The following LYPLAL1 variants were observed in gnomAD, a reference collection of about 807,000 sequenced individuals.
LYPLAL1 encodes the protein lysophospholipase like 1.
In LYPLAL1, 23 loss-of-function variants were observed where a neutral mutation model predicts 19.7. That is an observed-to-expected ratio of 1.17 (90% CI 0.84 to 1.65). The LOEUF (loss-of-function observed/expected upper bound fraction) is 1.65. Among genes scored for constraint, LYPLAL1 ranks in the 40% most tolerant of loss-of-function variants. LYPLAL1 has a pLI of 0.00. For synonymous variants in LYPLAL1, 119 were observed against 96.3 expected, an observed-to-expected ratio of 1.24 and a Z score of -1.38; for missense variants, 355 against 279.4, an observed-to-expected ratio of 1.27 and a Z score of -1.93.
At chr1:219,198,498 C>T (rs926431442) in intron 3 of LYPLAL1, 2 of 151,882 alleles carry the variant, frequency 1.3e-5, no homozygotes, top group African/African-American at 4.8e-5. Context: ...TATTTTTTCT[C>T]ATAATGGAAA....
chr1:219,310,557 C>T, the LYPLAL1 span, among the ~76,000 whole-genome samples: 5 of 152,198 alleles, frequency 3.3e-5, no homozygotes, highest in Non-Finnish European at 7.3e-5. Context: ...GGAGCCTGCC[C>T]TTATCTCACT....
the LYPLAL1 span, among the ~76,000 whole-genome samples, chr1:219,364,861 A>G: frequency 1.3e-5 from 2 of 152,134 alleles, 1 homozygote; most frequent in South Asian, 4.2e-4. Context: ...TTACTTGCCT[A>G]TTTGAGCTAA....
At position 219,210,554 on chromosome 1, in the gene LYPLAL1, C is replaced by T. The variant is rs1246464985; in HGVS notation, c.384C>T (p.Cys128=). Residue 128 remains cysteine, a synonymous_variant, in exon 4 of 5, where the codon TGC becomes TGT. Coordinates refer to ENST00000366928, the MANE Select transcript of LYPLAL1 (RefSeq NM_138794.5). The part of the protein sequence containing the change: ...ILIGGFSMGG[C]MAIHLAYRNH... ...TAGGAGGATTCTCTATGGGAGGATG[C>T]ATGGCAATACATTTAGCATATAGAA... The T allele has an allele frequency of 6.2e-7, 1 of 1,604,894 alleles. No homozygotes were observed. Among genetic ancestry groups the T allele is most frequent in the Non-Finnish European group, 8.5e-7 (1 of 1,174,404 alleles).
At chr1:219,407,603 A>T in the LYPLAL1 span, among the ~76,000 whole-genome samples, 1 of 152,204 alleles carries the variant, frequency 6.6e-6, no homozygotes, top group Non-Finnish European at 1.5e-5. Context: ...TTTGTGAATA[A>T]ACGTTCATTA....
the LYPLAL1 span, among the ~76,000 whole-genome samples, chr1:219,372,451 ACT>A: frequency 6.6e-6 from 1 of 151,618 alleles, no homozygotes; most frequent in Non-Finnish European, 1.5e-5. Flanking sequence ...TCGGCAAAAA[ACT>A]CTTAATTCAG....
the LYPLAL1 span, among the ~76,000 whole-genome samples, chr1:219,296,856 C>T: frequency 6.6e-6 from 1 of 152,040 alleles, no homozygotes; most frequent in Non-Finnish European, 1.5e-5. Flanking sequence ...TATTTTTTTA[C>T]CCCTCTAAGC....
At chr1:219,404,160 A>C in the LYPLAL1 span, among the ~76,000 whole-genome samples, 1 of 152,140 alleles carries the variant, frequency 6.6e-6, no homozygotes, top group African/African-American at 2.4e-5. Context: ...GAAGGTGCTC[A>C]TCTCATCATA....
At chr1:219,309,877 T>G in the LYPLAL1 span, among the ~76,000 whole-genome samples, 1 of 152,258 alleles carries the variant, frequency 6.6e-6, no homozygotes, top group Non-Finnish European at 1.5e-5. Context: ...TACTACCATG[T>G]GTTGTCATGT....
the LYPLAL1 span, among the ~76,000 whole-genome samples, chr1:219,230,111 G>T: frequency 6.6e-6 from 1 of 152,056 alleles, no homozygotes; most frequent in East Asian, 1.9e-4. Context: ...AAAACTGTAT[G>T]GTAGGCTTAT....
chr1:219,428,041 A>G, the LYPLAL1 span, among the ~76,000 whole-genome samples: 1 of 152,206 alleles, frequency 6.6e-6, no homozygotes, highest in Non-Finnish European at 1.5e-5. Context: ...CCATAAAACC[A>G]TAAAGCAGAT....
the LYPLAL1 span, among the ~76,000 whole-genome samples, chr1:219,387,634 C>T: frequency 1.3e-5 from 2 of 152,146 alleles, no homozygotes; most frequent in Non-Finnish European, 2.9e-5. Context: ...ATTATTTTTA[C>T]GAAGGTTGTC....
At chr1:219,249,595 A>C in the LYPLAL1 span, among the ~76,000 whole-genome samples, 2 of 152,056 alleles carry the variant, frequency 1.3e-5, no homozygotes, top group African/African-American at 4.8e-5. Flanking sequence ...CTATACAATA[A>C]AATATCAAAT....
the LYPLAL1 span, among the ~76,000 whole-genome samples, chr1:219,297,378 T>C: frequency 6.6e-6 from 1 of 152,216 alleles, no homozygotes; most frequent in South Asian, 2.1e-4. Context: ...TTTTGCTCTG[T>C]TGAATGCTGG....
At chr1:219,350,039 G>A in the LYPLAL1 span, among the ~76,000 whole-genome samples, 1 of 152,154 alleles carries the variant, frequency 6.6e-6, no homozygotes, top group African/African-American at 2.4e-5. Context: ...AGGTTCCATT[G>A]CATATTAAAA....
At chr1:219,188,880 T>C (rs1656932604) in intron 2 of LYPLAL1, among the ~76,000 whole-genome samples, 1 of 149,672 alleles carries the variant, frequency 6.7e-6, no homozygotes, top group South Asian at 2.1e-4. Context: ...GAGTATAACA[T>C]ATGTGATAGT....
At chr1:219,175,338 C>T (rs576194988) in intron 1 of LYPLAL1, among the ~76,000 whole-genome samples, 42 of 152,168 alleles carry the variant, frequency 2.8e-4, no homozygotes, top group African/African-American at 9.9e-4. Context: ...TAGAAGGTGA[C>T]GTGTGTAAGA....
At chr1:219,268,122 C>G in the LYPLAL1 span, among the ~76,000 whole-genome samples, 1 of 152,124 alleles carries the variant, frequency 6.6e-6, no homozygotes, top group Non-Finnish European at 1.5e-5. Flanking sequence ...TTCCTGCCCT[C>G]GTGGAGCTTA....
chr1:219,241,827 G>T, the LYPLAL1 span, among the ~76,000 whole-genome samples: 3 of 152,178 alleles, frequency 2.0e-5, no homozygotes, highest in African/African-American at 7.2e-5. Flanking sequence ...TAGCTAGGAA[G>T]TGAGGAAGAC....
the LYPLAL1 span, among the ~76,000 whole-genome samples, chr1:219,396,477 A>G: frequency 6.6e-6 from 1 of 152,146 alleles, no homozygotes; most frequent in Non-Finnish European, 1.5e-5. Context: ...GAAGAATGTC[A>G]TTGGTATTGA....
Sources: allele counts gnomAD v4.1 joint callset (sites outside exome capture counted in the v4.1 genomes callset), GRCh38; gene constraint gnomAD v4.1.1; transcripts MANE v1.5; gene names NCBI Gene and HGNC (gene_info 2026-07-23, HGNC 2026-07-21).